The following RORA variants were observed in gnomAD, a reference collection of about 807,000 sequenced individuals.
The protein encoded by RORA is nuclear receptor ROR-alpha.
RORA carries 7 observed loss-of-function variants against 69.5 expected under a neutral mutation model. That is an observed-to-expected ratio of 0.10 (90% CI 0.06 to 0.19). The LOEUF (loss-of-function observed/expected upper bound fraction) is 0.19, where lower values mean the gene tolerates loss of function less well. RORA is among the 10% of genes least tolerant of loss of function. RORA has a pLI of 1.00. For synonymous variants in RORA, 261 were observed against 240.8 expected, an observed-to-expected ratio of 1.08 and a Z score of -0.78; for missense variants, 457 against 663.0, an observed-to-expected ratio of 0.69 and a Z score of 3.41.
chr15:60,641,900 C>T (rs2069951427), intron 2 of RORA, among the ~76,000 whole-genome samples: 1 of 152,106 alleles, frequency 6.6e-6, no homozygotes, highest in Admixed American at 6.5e-5. Context: ...TTTTGCATGT[C>T]AAGTATTTGT....
At chr15:60,864,358 A>C (rs1363305823) in intron 1 of RORA, among the ~76,000 whole-genome samples, 1 of 152,250 alleles carries the variant, frequency 6.6e-6, no homozygotes, top group Admixed American at 6.5e-5. Flanking sequence ...TTTATTGCCC[A>C]AGATAAACTT....
intron 1 of RORA, among the ~76,000 whole-genome samples, chr15:60,818,317 A>T (rs2072845096): frequency 1.3e-5 from 2 of 152,240 alleles, no homozygotes; most frequent in South Asian, 4.1e-4. Context: ...ATTTTTCAGG[A>T]ATTTTCCACA....
rs1222629421 is a variant in RORA at position 60,752,958 on chromosome 15, T to TAA, written c.167-74273_167-74272insTT. Among the ~76,000 whole-genome samples, 142 of 152,348 alleles carry TAA rather than the reference T, an allele frequency of 9.3e-4. 1 individual carries two copies. The highest frequency in any genetic ancestry group is 3.2e-3 in the African/African-American group (132 of 41,592). Reference sequence around the variant, plus strand: ...TTTTGCTTATGTTTCTTTGCTTTGCTTTTTGGCCCCTTTTCAAAACAACAA... The same window carrying TAA: ...TTTTGCTTATGTTTCTTTGCTTTGCTAATTTTGGCCCCTTTTCAAAACAACAA... On this transcript the variant is annotated intron_variant, in intron 1 of 10. Transcript: ENST00000335670.
At chr15:60,561,073 T>TG (rs2067532514) in intron 2 of RORA, among the ~76,000 whole-genome samples, 1 of 129,858 alleles carries the variant, frequency 7.7e-6, no homozygotes, top group African/African-American at 4.2e-5. Context: ...TTTTTTTTGT[T>TG]TTGTTTTTGT....
At chr15:61,185,391 T>TGACACC (rs375286199) in intron 1 of RORA, among the ~76,000 whole-genome samples, 89,514 of 151,568 alleles carry the variant, frequency 0.59, 26,875 homozygotes, top group East Asian at 0.69. Flanking sequence ...AGGATCTCTA[T>TGACACC]ACGGCTACTC....
chr15:60,858,329 C>T (rs1196608755), intron 1 of RORA, among the ~76,000 whole-genome samples: 1 of 152,176 alleles, frequency 6.6e-6, no homozygotes, highest in Non-Finnish European at 1.5e-5. Flanking sequence ...TTTGTTATTA[C>T]TATTCCCATT....
intron 3 of RORA, among the ~76,000 whole-genome samples, chr15:60,520,666 A>G (rs1048773673): frequency 3.9e-5 from 6 of 152,148 alleles, no homozygotes; most frequent in African/African-American, 1.4e-4. Context: ...TGGAGGTCAT[A>G]CAGAGAGCAG....
intron 2 of RORA, among the ~76,000 whole-genome samples, chr15:60,662,425 C>A (rs1232043897): frequency 6.6e-6 from 1 of 152,168 alleles, no homozygotes; most frequent in Non-Finnish European, 1.5e-5. Flanking sequence ...ATAACTAGTT[C>A]TTTGCAGGCA....
chr15:60,506,385 G>A (rs2065502061), intron 5 of RORA, among the ~76,000 whole-genome samples: 1 of 152,172 alleles, frequency 6.6e-6, no homozygotes, highest in African/African-American at 2.4e-5. Flanking sequence ...TTATACTTGA[G>A]CATAAGGAGT....
intron 1 of RORA, among the ~76,000 whole-genome samples, chr15:60,839,220 T>C (rs2073163880): frequency 2.0e-5 from 3 of 152,126 alleles, no homozygotes; most frequent in Non-Finnish European, 4.4e-5. Context: ...TTTTAAGTGC[T>C]TACGTGTCAG....
Position 60,551,464 on chromosome 15 carries a change from G to A in RORA, c.197-19613C>T, listed in dbSNP as rs28646113. Among the ~76,000 whole-genome samples, 512 of 152,206 alleles carry A rather than the reference G, an allele frequency of 3.4e-3. 5 individuals are homozygous for A. The highest frequency in any genetic ancestry group is 0.011 in the African/African-American group (470 of 41,516). On this transcript the variant is annotated intron_variant, in intron 2 of 10. Coordinates refer to ENST00000335670, the MANE Select transcript of RORA (RefSeq NM_134261.3). ...TTAAGAAATTAAACATAGTTTGGGA[G>A]TACAAAGAGCCATCTTTGCTCTGAT...
intron 1 of RORA, among the ~76,000 whole-genome samples, chr15:61,023,677 G>A (rs907574599): frequency 1.3e-5 from 2 of 152,160 alleles, no homozygotes; most frequent in African/African-American, 4.8e-5. Flanking sequence ...CAGTGTTCCA[G>A]GTAACAGCTT....
chr15:60,846,276 T>G (rs1171977178), intron 1 of RORA, among the ~76,000 whole-genome samples: 2 of 152,224 alleles, frequency 1.3e-5, no homozygotes, highest in Non-Finnish European at 1.5e-5. Flanking sequence ...TACTGTGATT[T>G]ATCATTGCAT....
chr15:60,790,439 T>C (rs1018385511), intron 1 of RORA, among the ~76,000 whole-genome samples: 1 of 152,204 alleles, frequency 6.6e-6, no homozygotes, highest in Non-Finnish European at 1.5e-5. Flanking sequence ...TGGAAAGCTG[T>C]ATTTCCTTCA....
At chr15:60,604,374 C>T (rs2068896258) in intron 2 of RORA, among the ~76,000 whole-genome samples, 1 of 152,084 alleles carries the variant, frequency 6.6e-6, no homozygotes, top group Admixed American at 6.5e-5. Context: ...AATTTGTAAA[C>T]ACAAAATCCT....
intron 1 of RORA, among the ~76,000 whole-genome samples, chr15:60,887,378 C>T (rs533759291): frequency 6.6e-6 from 1 of 152,200 alleles, no homozygotes; most frequent in South Asian, 2.1e-4. Context: ...TAAAAGGAAG[C>T]TAAACGGGGT....
intron 1 of RORA, among the ~76,000 whole-genome samples, chr15:61,159,539 T>A (rs1213057408): frequency 6.6e-6 from 1 of 152,220 alleles, no homozygotes; most frequent in Non-Finnish European, 1.5e-5. Flanking sequence ...GAGATGCTGA[T>A]CTTTTTTTAT....
At position 60,963,380 on chromosome 15, in the gene RORA, T is replaced by C. The variant is rs141137773; in HGVS notation, c.166+265673A>G. On this transcript the variant is annotated intron_variant, in intron 1 of 10. Coordinates refer to ENST00000335670, the MANE Select transcript of RORA (RefSeq NM_134261.3). ...ACTAAGCAGAGGTCTTAGGCCTGAA[T>C]AGCAGAGATGAGGAATGATGGAGGT... Among the ~76,000 whole-genome samples, 4 of 152,292 alleles carry C rather than the reference T, an allele frequency of 2.6e-5. No homozygotes were observed. In the East Asian group the frequency reaches 5.8e-4, roughly 22 times the overall value.
chr15:61,016,702 C>T (rs1458530900), intron 1 of RORA, among the ~76,000 whole-genome samples: 2 of 151,958 alleles, frequency 1.3e-5, no homozygotes, highest in Admixed American at 1.3e-4. Flanking sequence ...GTTTCGCGAC[C>T]CATAAGGAGT....
Sources: gnomAD v4.1 joint callset for allele counts (sites outside exome capture counted in the v4.1 genomes callset) on GRCh38, gnomAD v4.1.1 for gene constraint, MANE v1.5 for transcripts, NCBI Gene and HGNC (gene_info 2026-07-23, HGNC 2026-07-21) for gene names.